The following RNF38 variants were observed in gnomAD, a reference collection of about 807,000 sequenced individuals.
RNF38 encodes the protein ring finger protein 38.
Under a neutral mutation model 67.2 loss-of-function variants are expected in RNF38, and 15 were observed. That is an observed-to-expected ratio of 0.22 (90% CI 0.15 to 0.34). The LOEUF (loss-of-function observed/expected upper bound fraction) is 0.34. Among genes scored for constraint, RNF38 ranks in the 10% least tolerant of loss-of-function variants. The pLI, the probability that RNF38 is intolerant of heterozygous loss-of-function variation, is 1.00. For synonymous variants in RNF38, 220 were observed against 218.8 expected (o/e 1.01, Z -0.05); for missense variants, 524 against 639.9 (o/e 0.82, Z 1.95).
chr9:36,419,102 G>A (rs1838553373), intron 2 of RNF38, among the ~76,000 whole-genome samples: 1 of 152,150 alleles, frequency 6.6e-6, no homozygotes, highest in Non-Finnish European at 1.5e-5. Context: ...AACTTTCTGA[G>A]CAAAGATTTC....
chr9:36,364,369 CTA>C (rs1286233518), intron 4 of RNF38, among the ~76,000 whole-genome samples: 1 of 151,982 alleles, frequency 6.6e-6, no homozygotes, highest in Non-Finnish European at 1.5e-5. Flanking sequence ...CAACATTAGT[CTA>C]TTAGTTTTTG....
rs531506615 is a variant in RNF38 at position 36,470,541 on chromosome 9, T to C, written n.241+16767A>G. ...GCACACAACTACCATTAAACTGCCA[T>C]GGAAATTTATTCCGCTTAGATGTCA... is the stretch of plus-strand genomic sequence containing the variant. On this transcript the variant is annotated intron_variant and non_coding_transcript_variant, in intron 1 of 3. Coordinates refer to the RNF38 transcript ENST00000488058. 2.6e-5 allele frequency among the ~76,000 whole-genome samples: 4 copies of C among 152,328 alleles called. No homozygotes were observed. In the East Asian group the frequency reaches 7.7e-4, roughly 29 times the overall value.
intron 1 of RNF38, among the ~76,000 whole-genome samples, chr9:36,467,727 T>G (rs1412418266): frequency 6.6e-6 from 1 of 152,162 alleles, no homozygotes; most frequent in African/African-American, 2.4e-5. Context: ...ACACAGGTAA[T>G]TTGTGGACAC....
chr9:36,446,320 C>T (rs563629052), intron 1 of RNF38, among the ~76,000 whole-genome samples: 3 of 152,284 alleles, frequency 2.0e-5, no homozygotes, highest in East Asian at 3.9e-4. Context: ...ATATAAACAG[C>T]AAGGCTTCTC....
intron 2 of RNF38, chr9:36,424,544 C>T (rs1469746074): frequency 1.3e-5 from 8 of 626,020 alleles, no homozygotes; most frequent in Middle Eastern, 8.2e-4. Context: ...CCCAGAGTTA[C>T]GCAAGAGAAT....
intron 2 of RNF38, among the ~76,000 whole-genome samples, chr9:36,408,572 A>T (rs1838239809): frequency 6.6e-6 from 1 of 152,180 alleles, no homozygotes; most frequent in Non-Finnish European, 1.5e-5. Context: ...AAATATTAAT[A>T]GCCTAGGAAC....
chr9:36,469,801 A>G (rs1358047358), intron 1 of RNF38, among the ~76,000 whole-genome samples: 4 of 151,758 alleles, frequency 2.6e-5, no homozygotes, highest in Admixed American at 6.6e-5. Flanking sequence ...CATGGCGAAA[A>G]CCCGTCTCTA....
At chr9:36,425,366 A>C (rs1172677457) in intron 1 of RNF38, among the ~76,000 whole-genome samples, 1 of 152,210 alleles carries the variant, frequency 6.6e-6, no homozygotes, top group African/African-American at 2.4e-5. Context: ...GTAAAAAATG[A>C]GGCCAGTTTT....
chr9:36,407,046 G>A (rs1838200706), intron 2 of RNF38, among the ~76,000 whole-genome samples: 2 of 152,290 alleles, frequency 1.3e-5, no homozygotes, highest in Admixed American at 1.3e-4. Flanking sequence ...GCTGCACTGA[G>A]GGAAAAGGCA....
intron 2 of RNF38, among the ~76,000 whole-genome samples, chr9:36,414,568 C>T (rs566375453): frequency 1.0e-3 from 156 of 152,056 alleles, no homozygotes; most frequent in African/African-American, 3.4e-3. Context: ...TGCCTGTAAT[C>T]CCAGCTACTC....
chr9:36,339,880 G>T (rs183303684), intron 11 of RNF38, 66 bp from the exon 12 acceptor site: 1 of 1,270,488 alleles, frequency 7.9e-7, no homozygotes, highest in South Asian at 1.3e-5. Flanking sequence ...TCAAAGCAAT[G>T]GAACTACTTT....
At chr9:36,474,646 A>G (rs1840081681) in intron 1 of RNF38, among the ~76,000 whole-genome samples, 1 of 148,432 alleles carries the variant, frequency 6.7e-6, no homozygotes, top group Non-Finnish European at 1.5e-5. Context: ...AATAAGTATA[A>G]TATGAGTCCC....
intron 1 of RNF38, among the ~76,000 whole-genome samples, chr9:36,436,056 T>A (rs1839058505): frequency 6.6e-6 from 1 of 152,254 alleles, no homozygotes; most frequent in Non-Finnish European, 1.5e-5. Context: ...ACAATTCATT[T>A]AAATGTTAAG....
chr9:36,431,536 G>T (rs547367036), intron 1 of RNF38, among the ~76,000 whole-genome samples: 35 of 152,132 alleles, frequency 2.3e-4, no homozygotes, highest in Non-Finnish European at 4.3e-4. Context: ...TACTATAAAG[G>T]TTAAAGATGA....
chr9:36,470,642 A>C (rs1164039359), intron 1 of RNF38, among the ~76,000 whole-genome samples: 1 of 152,076 alleles, frequency 6.6e-6, no homozygotes, highest in Non-Finnish European at 1.5e-5. Flanking sequence ...AAAATTAACA[A>C]GATTGTCTAA....
chr9:36,397,506 C>A (rs1368335221), intron 1 of RNF38, among the ~76,000 whole-genome samples: 1 of 152,098 alleles, frequency 6.6e-6, no homozygotes, highest in East Asian at 1.9e-4. Context: ...TGCCCAGCAC[C>A]GGACAATCAT....
intron 10 of RNF38, among the ~76,000 whole-genome samples, chr9:36,343,524 T>A (rs987206781): frequency 2.0e-5 from 3 of 152,070 alleles, no homozygotes; most frequent in African/African-American, 7.2e-5. Flanking sequence ...TCATTAGCCA[T>A]CAGGGAAATG....
intron 11 of RNF38, among the ~76,000 whole-genome samples, chr9:36,340,824 T>C (rs905804962): frequency 2.6e-5 from 4 of 152,226 alleles, no homozygotes; most frequent in African/African-American, 9.7e-5. Flanking sequence ...TTTCAACAAA[T>C]GGGACCATAA....
chr9:36,414,082 C>T lies in RNF38; in HGVS notation n.312+10531G>A, dbSNP rs374560163. Among the ~76,000 whole-genome samples the T allele has an allele frequency of 7.6e-4, 115 of 152,216 alleles. 2 individuals are homozygous for T. In the South Asian group the frequency reaches 0.022, roughly 29 times the overall value. On this transcript the variant is annotated intron_variant and non_coding_transcript_variant, in intron 2 of 3. Coordinates refer to the RNF38 transcript ENST00000488058. ...GCGACTCCTGTTTGCTTTTCATGTCCATTTGCATGGAATATCTTTTTTCAC... is the reference window on the plus strand; with the variant it reads ...GCGACTCCTGTTTGCTTTTCATGTCTATTTGCATGGAATATCTTTTTTCAC...
Sources: allele counts gnomAD v4.1 joint callset (sites outside exome capture counted in the v4.1 genomes callset), GRCh38; gene constraint gnomAD v4.1.1; transcripts MANE v1.5; gene names NCBI Gene and HGNC (gene_info 2026-07-23, HGNC 2026-07-21).